POR: variants seen among roughly 807,000 people sequenced by gnomAD.
POR encodes the protein NADPH--cytochrome P450 reductase.
Under a neutral mutation model 84.0 loss-of-function variants are expected in POR, and 56 were observed. That is an observed-to-expected ratio of 0.67 (90% CI 0.54 to 0.83). POR has a LOEUF of 0.83. POR is among the 40% of genes least tolerant of loss of function. The probability of loss-of-function intolerance (pLI) is 0.00; values close to 1 mark genes in which losing one functional copy is unlikely to be tolerated. For missense variants in POR, 938 were observed against 944.3 expected (o/e 0.99, Z 0.09); for synonymous variants, 414 against 400.5 (o/e 1.03, Z -0.40).
At chr7:75,979,744 C>A (rs1788901612) in intron 4 of POR, 165 bp downstream of exon 4, 4 of 946,082 alleles carry the variant, frequency 4.2e-6, no homozygotes, top group Non-Finnish European at 1.5e-6. Flanking sequence ...CCTGCCCGGG[C>A]TGACTGACGG....
At chr7:75,976,888 T>C (rs1283021596) in intron 3 of POR, among the ~76,000 whole-genome samples, 3 of 152,164 alleles carry the variant, frequency 2.0e-5, no homozygotes, top group African/African-American at 4.8e-5. Flanking sequence ...CTCACTCCTG[T>C]CACCCAGGCT....
At chr7:75,966,105 T>C (rs1356332488) in intron 2 of POR, among the ~76,000 whole-genome samples, 1 of 152,080 alleles carries the variant, frequency 6.6e-6, no homozygotes, top group African/African-American at 2.4e-5. Context: ...CTGCACAGGG[T>C]GGTGAGGATT....
At chr7:75,971,990 G>A (rs1173263607) in intron 2 of POR, among the ~76,000 whole-genome samples, 1 of 152,120 alleles carries the variant, frequency 6.6e-6, no homozygotes, top group African/African-American at 2.4e-5. Context: ...AGAGGCAGGG[G>A]CTGGAGAAGG....
chr7:75,975,405 C>T (rs531809445), intron 3 of POR, among the ~76,000 whole-genome samples: 2 of 152,108 alleles, frequency 1.3e-5, no homozygotes, highest in East Asian at 1.9e-4. Context: ...TTTGGGAGGC[C>T]GAGATGGGCA....
At chr7:75,919,382 C>CGTGCGTGT (rs147421179) in intron 1 of POR, among the ~76,000 whole-genome samples, 1 of 146,432 alleles carries the variant, frequency 6.8e-6, no homozygotes, top group African/African-American at 2.5e-5. Context: ...TCTGTGCGTG[C>CGTGCGTGT]GTGTGTGTGT....
chr7:75,978,306 A>G (rs1788790502), intron 3 of POR, among the ~76,000 whole-genome samples: 1 of 152,188 alleles, frequency 6.6e-6, no homozygotes, highest in South Asian at 2.1e-4. Context: ...ATATTTGGAG[A>G]AAAAATGGAT....
At position 75,983,500 on chromosome 7, in the gene POR, C is replaced by T; in HGVS notation, c.831-20C>T. ...ATCAAAGCCCCGGCCGCTCACTGTG[C>T]TTCTCTCCTCCCCACCCAGCCCCTT... On this transcript the variant is annotated intron_variant, in intron 8 of 15. Coordinates refer to ENST00000461988, the MANE Select transcript of POR (RefSeq NM_000941.3). 6.3e-7 allele frequency: 1 copy of T among 1,582,096 alleles called. No individual in the cohort carries two copies. The highest frequency in any genetic ancestry group is 8.7e-7 in the Non-Finnish European group (1 of 1,152,116).
intron 1 of POR, among the ~76,000 whole-genome samples, chr7:75,923,922 C>T (rs560938466): frequency 1.6e-4 from 24 of 151,958 alleles, no homozygotes; most frequent in African/African-American, 4.3e-4. Context: ...AAGACAGTAG[C>T]TTACGTTCAT....
At chr7:75,920,225 C>T (rs1806788027) in intron 1 of POR, among the ~76,000 whole-genome samples, 5 of 151,086 alleles carry the variant, frequency 3.3e-5, no homozygotes, top group Admixed American at 3.3e-4. Flanking sequence ...GCCATCACGC[C>T]CGGCTAATTT....
intron 6 of POR, 142 bp from the exon 7 acceptor site, chr7:75,981,375 T>A: frequency 5.0e-6 from 6 of 1,192,566 alleles, no homozygotes; most frequent in Non-Finnish European, 7.0e-6. Flanking sequence ...TTCCTGATGC[T>A]CTGGGTTTAT....
intron 2 of POR, among the ~76,000 whole-genome samples, chr7:75,957,837 G>A (rs1316749233): frequency 6.6e-6 from 1 of 152,154 alleles, no homozygotes; most frequent in African/African-American, 2.4e-5. Context: ...GCTGCAGCCA[G>A]GGCTTTTACC....
chr7:75,958,653 A>G (rs1330080806), intron 2 of POR, among the ~76,000 whole-genome samples: 1 of 152,112 alleles, frequency 6.6e-6, no homozygotes, highest in Non-Finnish European at 1.5e-5. Context: ...TTTAGTGTTA[A>G]TAGGCCTCCT....
At chr7:75,945,188 A>AGGAGGATCCCTTGAGCCC (rs1787122441) in intron 1 of POR, 1 of 152,152 alleles carries the variant, frequency 6.6e-6, no homozygotes, top group African/African-American at 2.4e-5. Flanking sequence ...GGCCTGAGGC[A>AGGAGGATCCCTTGAGCCC]GGAGGATCCC....
At chr7:75,949,169 T>TG (rs1787308030) in intron 1 of POR, among the ~76,000 whole-genome samples, 1 of 151,700 alleles carries the variant, frequency 6.6e-6, no homozygotes, top group African/African-American at 2.4e-5. Flanking sequence ...TTGTTGTTGT[T>TG]TTTGAGACGG....
rs1554553353 is a variant in POR, at chr7:75,954,069, T to C, written c.77T>C (p.Phe26Ser). 8 of 1,612,804 alleles carry C rather than the reference T, an allele frequency of 5.0e-6. No homozygotes were observed. Among genetic ancestry groups the C allele is most frequent in the Non-Finnish European group, 6.8e-6 (8 of 1,179,390 alleles). The stretch of plus-strand genomic sequence containing the variant: ...GCGGTGGCCGAAGAAGTATCTCTTT[T>C]CAGCATGACGGACATGATTCTGTTT... Residue 26 changes from phenylalanine to serine, a missense_variant, in exon 2 of 16, where the codon TTC becomes TCC. By Grantham distance (155) the Phe-to-Ser change is radical (BLOSUM62 -2). Transcript: ENST00000461988.
chr7:75,986,256 T>A lies in POR; in HGVS notation c.1898+15T>A. Reference sequence around the variant, plus strand: ...TACGTCTGTGGGTGAGTGAGTGGGGTCACTGGAATAGGGGGCAGGGAGGAC... The same window carrying A: ...TACGTCTGTGGGTGAGTGAGTGGGGACACTGGAATAGGGGGCAGGGAGGAC... On this transcript the variant is annotated intron_variant, in intron 15 of 15. Transcript: ENST00000461988. 1.2e-6 allele frequency: 2 copies of A among 1,612,500 alleles called. No homozygotes were observed. The highest frequency in any genetic ancestry group is 1.7e-6 in the Non-Finnish European group (2 of 1,179,780).
At position 75,985,984 on chromosome 7, in the gene POR, G is replaced by C; in HGVS notation, c.1731G>C (p.Leu577=). 1 of 1,580,998 alleles carries C rather than the reference G, an allele frequency of 6.3e-7. No homozygotes were observed. The highest frequency in any genetic ancestry group is 1.2e-5 in the South Asian group (1 of 86,536). ...GCCGCCGCTCGGATGAGGACTACCTGTACCGGGAGGAGCTGGCGCAGTTCC... is the reference window on the plus strand; with the variant it reads ...GCCGCCGCTCGGATGAGGACTACCTCTACCGGGAGGAGCTGGCGCAGTTCC... Residue 577 remains leucine (L), a synonymous_variant, in exon 14 of 16, where the codon CTG becomes CTC. Transcript: ENST00000461988.
chr7:75,949,295 A>G (rs1411702615), intron 1 of POR, among the ~76,000 whole-genome samples: 1 of 151,436 alleles, frequency 6.6e-6, no homozygotes, highest in Non-Finnish European at 1.5e-5. Flanking sequence ...AGCTGGGACT[A>G]CAGGCACGCG....
In POR at chr7:75,983,721, C is replaced by G. The variant is rs782312165; in HGVS notation, c.948-17C>G. 6.2e-7 allele frequency: 1 copy of G among 1,611,002 alleles called. No homozygotes were observed. The highest frequency in any genetic ancestry group is 8.5e-7 in the Non-Finnish European group (1 of 1,178,514). ...GGCCAGCCTTCCGCCCCTCCCGAGC[C>G]TCACATCTCCCTCCAGGTATGAATC... On this transcript the variant is annotated splice_polypyrimidine_tract_variant and intron_variant, in intron 9 of 15. Coordinates refer to ENST00000461988, the MANE Select transcript of POR (RefSeq NM_000941.3).
Sources: gnomAD v4.1 joint callset for allele counts (sites outside exome capture counted in the v4.1 genomes callset) on GRCh38, gnomAD v4.1.1 for gene constraint, MANE v1.5 for transcripts, NCBI Gene and HGNC (gene_info 2026-07-23, HGNC 2026-07-21) for gene names.